ABCB1: variants seen among roughly 807,000 people sequenced by gnomAD.
ABCB1 encodes ATP binding cassette subfamily B member 1.
ABCB1 carries 69 observed loss-of-function variants against 142.0 expected under a neutral mutation model. The observed-to-expected ratio is 0.49, with a 90% CI of 0.40 to 0.59. The LOEUF (loss-of-function observed/expected upper bound fraction) is 0.59, where lower values mean the gene tolerates loss of function less well. ABCB1 is among the 20% of genes least tolerant of loss of function. The pLI, the probability that ABCB1 is intolerant of heterozygous loss-of-function variation, is 0.00. For missense variants in ABCB1, 1,326 were observed against 1,554.7 expected (o/e 0.85, Z 2.47); for synonymous variants, 532 against 539.2 (o/e 0.99, Z 0.18).
chr7:87,554,884 C>A (rs1417052197), intron 8 of ABCB1, among the ~76,000 whole-genome samples: 1 of 151,818 alleles, frequency 6.6e-6, no homozygotes, highest in Non-Finnish European at 1.5e-5. Context: ...CTTCTTAGAG[C>A]AAATATAGGA....
chr7:87,595,327 C>T (rs1819153891), intron 3 of ABCB1, among the ~76,000 whole-genome samples: 1 of 152,010 alleles, frequency 6.6e-6, no homozygotes, highest in Non-Finnish European at 1.5e-5. Flanking sequence ...GGATTTTGAA[C>T]TAAAATTTGC....
intron 25 of ABCB1, among the ~76,000 whole-genome samples, chr7:87,510,406 C>T (rs1465984533): frequency 6.6e-6 from 1 of 152,232 alleles, no homozygotes; most frequent in African/African-American, 2.4e-5. Context: ...TCTCTATAAT[C>T]TGGCTCCCTG....
chr7:87,570,295 A>AGTTTG, intron 4 of ABCB1, 72 bp from the exon 5 acceptor site: 1 of 1,369,324 alleles, frequency 7.3e-7, no homozygotes, highest in Non-Finnish European at 1.0e-6. Context: ...TGTAAAAATG[A>AGTTTG]ATCAAACTCA....
At chr7:87,514,584 G>A (rs1584834080) in intron 25 of ABCB1, among the ~76,000 whole-genome samples, 1 of 152,066 alleles carries the variant, frequency 6.6e-6, no homozygotes, top group African/African-American at 2.4e-5. Context: ...ATGCTCAAGA[G>A]TTCAACCCCT....
rs141897171 is a variant in ABCB1, at chr7:87,694,019, C to T, written c.-331+19142G>A. 36 of 1,598,610 alleles carry T rather than the reference C, an allele frequency of 2.3e-5. 2 individuals carry two copies. The highest frequency in any genetic ancestry group is 1.5e-4 in the South Asian group (13 of 87,618). On this transcript the variant is annotated intron_variant, in intron 1 of 28. Coordinates refer to the ABCB1 transcript ENST00000265724. ...TGCACGGGAGCATGGAATTGACTTT[C>T]GGGGGAGGGCTGTATCAGTTAAGTG...
chr7:87,592,690 T>C (rs1181283110), intron 3 of ABCB1, among the ~76,000 whole-genome samples: 1 of 152,226 alleles, frequency 6.6e-6, no homozygotes, highest in African/African-American at 2.4e-5. Flanking sequence ...CTAAGTCAAG[T>C]TCTTCATCTG....
At chr7:87,629,865 A>G (rs961092611) in intron 1 of ABCB1, among the ~76,000 whole-genome samples, 6 of 151,770 alleles carry the variant, frequency 4.0e-5, no homozygotes, top group African/African-American at 1.5e-4. Flanking sequence ...GGCGGTTGCA[A>G]TGAGCTGAGA....
At chr7:87,593,828 A>G (rs151029456) in intron 3 of ABCB1, among the ~76,000 whole-genome samples, 1 of 152,300 alleles carries the variant, frequency 6.6e-6, no homozygotes, top group African/African-American at 2.4e-5. Context: ...AGAGAACTCT[A>G]GGAGCTTGCA....
At chr7:87,708,959 A>C (rs1829838875) in intron 1 of ABCB1, among the ~76,000 whole-genome samples, 1 of 152,142 alleles carries the variant, frequency 6.6e-6, no homozygotes, top group Non-Finnish European at 1.5e-5. Context: ...TTTATGGATC[A>C]CCCTTATCAA....
At position 87,697,771 on chromosome 7, in the gene ABCB1, T is replaced by A. The variant is rs536849516; in HGVS notation, c.-331+15390A>T. Among the ~76,000 whole-genome samples the A allele has an allele frequency of 7.4e-4, 113 of 152,174 alleles. 1 individual carries two copies. The highest frequency in any genetic ancestry group is 1.4e-3 in the Non-Finnish European group (98 of 68,036). On this transcript the variant is annotated intron_variant, in intron 1 of 28. Coordinates refer to the ABCB1 transcript ENST00000265724. Reference sequence around the variant, plus strand: ...CAACAGTACTATCCAGTAGGTACTATCGTTATTTTCAATTTACAGAAGAGG... The same window carrying A: ...CAACAGTACTATCCAGTAGGTACTAACGTTATTTTCAATTTACAGAAGAGG...
chr7:87,546,317 G>C (rs1043448809), intron 14 of ABCB1, among the ~76,000 whole-genome samples: 1 of 152,104 alleles, frequency 6.6e-6, no homozygotes, highest in Non-Finnish European at 1.5e-5. Context: ...GGCCGGGCGT[G>C]GTGGCTCACG....
chr7:87,618,213 G>A (rs1329817220), intron 1 of ABCB1, among the ~76,000 whole-genome samples: 1 of 151,936 alleles, frequency 6.6e-6, no homozygotes, highest in Non-Finnish European at 1.5e-5. Context: ...TCTCTCCTTT[G>A]GAACATTTAT....
At chr7:87,609,141 A>C (rs781553875) in intron 1 of ABCB1, among the ~76,000 whole-genome samples, 13 of 152,188 alleles carry the variant, frequency 8.5e-5, no homozygotes, top group Non-Finnish European at 1.9e-4. Context: ...GGTGAAAAAC[A>C]GAGCAGGGGA....
intron 4 of ABCB1, among the ~76,000 whole-genome samples, chr7:87,581,828 G>T (rs1818524082): frequency 1.3e-5 from 2 of 152,280 alleles, no homozygotes; most frequent in African/African-American, 4.8e-5. Flanking sequence ...CAATAAGGAG[G>T]CTCTGGTATC....
At chr7:87,504,808 G>GA (rs113719447) in intron 27 of ABCB1, among the ~76,000 whole-genome samples, 7,403 of 86,742 alleles carry the variant, frequency 0.085, 596 homozygotes, top group African/African-American at 0.22. Flanking sequence ...CCATCTCAAA[G>GA]AAAAAAAAAA....
chr7:87,559,889 T>G (rs533339099), intron 8 of ABCB1, among the ~76,000 whole-genome samples: 2 of 152,334 alleles, frequency 1.3e-5, no homozygotes, highest in East Asian at 3.9e-4. Context: ...TTGGGCATAT[T>G]ATTTTTCTGG....
chr7:87,674,905 A>G (rs920825272), intron 1 of ABCB1, among the ~76,000 whole-genome samples: 4 of 151,278 alleles, frequency 2.6e-5, no homozygotes, highest in Middle Eastern at 3.2e-3. Flanking sequence ...GAGCATGGTA[A>G]GCCTTGGGGG....
At chr7:87,538,277 T>C (rs1374249771) in intron 19 of ABCB1, among the ~76,000 whole-genome samples, 1 of 152,170 alleles carries the variant, frequency 6.6e-6, no homozygotes, top group Non-Finnish European at 1.5e-5. Flanking sequence ...GACTTATAAA[T>C]ACAGTTCGAC....
intron 1 of ABCB1, among the ~76,000 whole-genome samples, chr7:87,701,093 A>T (rs1246485246): frequency 2.0e-5 from 3 of 152,244 alleles, no homozygotes; most frequent in Non-Finnish European, 4.4e-5. Flanking sequence ...AAGTATGCAT[A>T]AAGCATTTCT....
Sources: gnomAD v4.1 joint callset for allele counts (sites outside exome capture counted in the v4.1 genomes callset) on GRCh38, gnomAD v4.1.1 for gene constraint, MANE v1.5 for transcripts, NCBI Gene and HGNC (gene_info 2026-07-23, HGNC 2026-07-21) for gene names.